Variants in TTC21A observed in about 807,000 individuals in gnomAD.
The protein encoded by TTC21A is tetratricopeptide repeat protein 21A.
TTC21A carries 128 observed loss-of-function variants against 156.4 expected under a neutral mutation model. The observed-to-expected ratio is 0.82, with a 90% CI of 0.71 to 0.95. The LOEUF (loss-of-function observed/expected upper bound fraction) is 0.95. TTC21A is among the 40% of genes least tolerant of loss of function. The probability of loss-of-function intolerance (pLI) is 0.00; values close to 1 mark genes in which losing one functional copy is unlikely to be tolerated. For synonymous variants in TTC21A, 587 were observed against 617.1 expected (o/e 0.95, Z 0.72); for missense variants, 1,435 against 1,602.3 (o/e 0.90, Z 1.78).
At chr3:39,114,418 T>C (rs925947181) in intron 5 of TTC21A, among the ~76,000 whole-genome samples, 167 bp from the exon 6 acceptor site, 15 of 152,298 alleles carry the variant, frequency 9.8e-5, no homozygotes, top group Middle Eastern at 3.4e-3. Context: ...ATGTCACTCC[T>C]TCTCCCGGGA....
In TTC21A at chr3:39,111,284, C is replaced by G. The variant is rs184129800; in HGVS notation, c.435+267C>G. Among the ~76,000 whole-genome samples, 5 of 152,194 alleles carry G rather than the reference C, an allele frequency of 3.3e-5. No individual in the cohort carries two copies. In the East Asian group the frequency reaches 9.6e-4, roughly 29 times the overall value. ...TTCTTAAGAAATTTTTTTTTGAGAC[C>G]TCACTGCAGCCTCAACCTCCTAGGC... On this transcript the variant is annotated intron_variant, in intron 4 of 28. Coordinates refer to ENST00000683103, the MANE Select transcript of TTC21A (RefSeq NM_001366900.1).
intron 19 of TTC21A, 99 bp from the exon 20 acceptor site, chr3:39,132,952 AT>A (rs1171372870): frequency 2.1e-6 from 3 of 1,424,658 alleles, no homozygotes; most frequent in Non-Finnish European, 1.9e-6. Flanking sequence ...CTTATGTGTC[AT>A]TTTTCATACT....
Position 39,121,017 on chromosome 3 carries a change from T to A in TTC21A, c.921T>A (p.Ile307=), listed in dbSNP as rs1157382038. 6.2e-7 allele frequency: 1 copy of A among 1,610,228 alleles called. No homozygotes were observed. Among genetic ancestry groups the A allele is most frequent in the Admixed American group, 1.7e-5 (1 of 59,630 alleles). The change falls in exon 9 of 29, where the codon ATT becomes ATA. Residue 307 remains isoleucine (I), a synonymous_variant. Coordinates refer to ENST00000683103, the MANE Select transcript of TTC21A (RefSeq NM_001366900.1). ...TGCAGTGTGGGAGTCACCAGGTGAT[T>A]CTAGGGCTAGTGTGTAGTTTCATCG... The part of the protein sequence containing the change: ...VSRLCGSHQV[I]LGLVCSFIER...
At chr3:39,119,630 TCA>T in intron 7 of TTC21A, 1 of 117,756 alleles carries the variant, frequency 8.5e-6, no homozygotes, top group Non-Finnish European at 1.3e-5. Context: ...TAAGGAGCAG[TCA>T]AAAAAAAAAA....
intron 8 of TTC21A, 151 bp downstream of exon 8, chr3:39,120,171 C>A: frequency 5.0e-6 from 3 of 600,678 alleles, no homozygotes; most frequent in Non-Finnish European, 8.9e-6. Context: ...TCCTGCTGTG[C>A]CTACTTGCCT....
At chr3:39,135,006 C>A in intron 21 of TTC21A, 87 bp from the exon 22 acceptor site, 3 of 1,149,826 alleles carry the variant, frequency 2.6e-6, no homozygotes, top group Non-Finnish European at 4.0e-6. Context: ...CTTCTTACCA[C>A]CATCACCCCC....
intron 3 of TTC21A, 163 bp downstream of exon 3, chr3:39,110,302 G>A: frequency 2.9e-6 from 2 of 683,092 alleles, no homozygotes; most frequent in East Asian, 5.4e-5. Context: ...TCTCCCCCTG[G>A]AGGCCTGGGA....
intron 20 of TTC21A, 151 bp downstream of exon 20, chr3:39,133,391 C>T: frequency 1.3e-6 from 1 of 783,800 alleles, no homozygotes; most frequent in Non-Finnish European, 2.0e-6. Context: ...TAGCAGTGGC[C>T]TCTGGGGTAA....
chr3:39,126,316 T>C lies in TTC21A; in HGVS notation c.1448T>C (p.Leu483Ser), dbSNP rs2048506191. The change falls in exon 12 of 29, where the codon TTG (leucine) becomes TCG (serine). Residue 483 changes from leucine (L) to serine (S), a missense_variant. Leu to Ser is a moderately radical substitution (Grantham distance 145). Transcript: ENST00000683103. ...CTTCTTAAACAAGTCGCCGTGATCT[T>C]GAATCCTGTAGTCAAAGCAGCACCA... The part of the protein sequence containing the change: ...SPLLKQVAVI[L>S]NPVVKAAPAL... 6.2e-7 allele frequency: 1 copy of C among 1,613,982 alleles called. No homozygotes were observed. Among genetic ancestry groups the C allele is most frequent in the Non-Finnish European group, 8.5e-7 (1 of 1,180,016 alleles).
chr3:39,114,750 A>C lies in TTC21A; in HGVS notation c.716+8A>C, dbSNP rs759634293. 9 of 1,614,204 alleles carry C rather than the reference A, an allele frequency of 5.6e-6. No homozygotes were observed. The Admixed American group carries it at 1.5e-4, about 27-fold the overall frequency. On this transcript the variant is annotated splice_region_variant and intron_variant, in intron 6 of 28. Coordinates refer to ENST00000683103, the MANE Select transcript of TTC21A (RefSeq NM_001366900.1). ...AGTAGAAATGGGACACAGGTGAGCT[A>C]CTGCACAAATGGGCAGCCAAGGGTG...
intron 15 of TTC21A, 69 bp downstream of exon 15, chr3:39,129,379 TGG>T (rs1559703847): frequency 8.3e-7 from 1 of 1,209,866 alleles, no homozygotes; most frequent in Non-Finnish European, 1.2e-6. Flanking sequence ...TTCCTTCAGA[TGG>T]TATTTCTTCA....
chr3:39,116,426 A>G (rs975849177), intron 6 of TTC21A, among the ~76,000 whole-genome samples: 19 of 151,798 alleles, frequency 1.3e-4, no homozygotes, highest in African/African-American at 4.6e-4. Context: ...GAAATTTTGT[A>G]TTATAAATTC....
Position 39,118,161 on chromosome 3 carries a change from C to A in TTC21A, c.801+8C>A. 2 of 1,613,776 alleles carry A rather than the reference C, an allele frequency of 1.2e-6. No homozygotes were observed. Among genetic ancestry groups the A allele is most frequent in the Non-Finnish European group, 1.7e-6 (2 of 1,179,710 alleles). ...GAAGGAAACATGACCACAGTAAGTT[C>A]TTTGAAGACTCAGAAGGTGATCCTT... On this transcript the variant is annotated splice_region_variant and intron_variant, in intron 7 of 28. Transcript: ENST00000683103.
chr3:39,119,600 T>A (rs1430301066), intron 7 of TTC21A: 3 of 158,694 alleles, frequency 1.9e-5, no homozygotes, highest in African/African-American at 8.7e-5. Flanking sequence ...AGGGCTACTC[T>A]ATGGGTTAGC....
intron 7 of TTC21A, chr3:39,119,291 T>C (rs911657072): frequency 1.3e-5 from 2 of 152,170 alleles, no homozygotes; most frequent in African/African-American, 2.4e-5. Context: ...TACTCCTGGG[T>C]GGGGAGTGGG....
intron 15 of TTC21A, 143 bp downstream of exon 15, chr3:39,129,453 G>C: frequency 1.4e-6 from 1 of 726,752 alleles, no homozygotes; most frequent in South Asian, 1.7e-5. Context: ...TTGTCCATGG[G>C]TTACAATTTG....
chr3:39,138,390 A>G lies in TTC21A; in HGVS notation c.3796+3A>G, dbSNP rs1345302241. 2 of 1,614,006 alleles carry G rather than the reference A, an allele frequency of 1.2e-6. No homozygotes were observed. The highest frequency in any genetic ancestry group is 1.7e-6 in the Non-Finnish European group (2 of 1,179,920). Reference sequence around the variant, plus strand: ...TCATCACGCCAACCCTGCCATTGGTAAGGCAACCAGCCAGGGTGCACGTGA... The same window carrying G: ...TCATCACGCCAACCCTGCCATTGGTGAGGCAACCAGCCAGGGTGCACGTGA... On this transcript the variant is annotated splice_donor_region_variant and intron_variant, in intron 27 of 28. Coordinates refer to ENST00000683103, the MANE Select transcript of TTC21A (RefSeq NM_001366900.1).
rs1413369421 is a variant in TTC21A, at chr3:39,112,450, C to T, written c.436-8C>T. 1 of 1,613,938 alleles carries T rather than the reference C, an allele frequency of 6.2e-7. No individual in the cohort carries two copies. Among genetic ancestry groups the T allele is most frequent in the African/African-American group, 1.3e-5 (1 of 74,922 alleles). ...AGGACTTCATCTTTCATCTTGTTCTCATCCCAGGCCTATGTGCTCAGAGGC... is the reference window on the plus strand; with the variant it reads ...AGGACTTCATCTTTCATCTTGTTCTTATCCCAGGCCTATGTGCTCAGAGGC... On this transcript the variant is annotated splice_polypyrimidine_tract_variant and splice_region_variant and intron_variant, in intron 4 of 28. Transcript: ENST00000683103.
Position 39,136,455 on chromosome 3 carries a change from A to C in TTC21A, c.3043A>C (p.Ser1015Arg). ...AFFELAKKVSSRVPLEPGFNY... is the reference protein window; with the variant it reads ...AFFELAKKVSRRVPLEPGFNY... ...CTTTGAATTGGCCAAGAAGGTGTCT[A>C]GCCGGGTGCCTTTGGAACCAGGGTT... The change falls in exon 23 of 29, where the codon AGC (serine) becomes CGC (arginine). Residue 1015 changes from serine (S) to arginine (R), a missense_variant. By Grantham distance (110) the Ser-to-Arg change is moderately radical (BLOSUM62 -1). Transcript: ENST00000683103. The C allele has an allele frequency of 6.2e-7, 1 of 1,614,262 alleles. No individual in the cohort carries two copies. The highest frequency in any genetic ancestry group is 1.3e-5 in the African/African-American group (1 of 75,072).
Sources: gnomAD v4.1 joint callset for allele counts (sites outside exome capture counted in the v4.1 genomes callset) on GRCh38, gnomAD v4.1.1 for gene constraint, MANE v1.5 for transcripts, NCBI Gene and HGNC (gene_info 2026-07-23, HGNC 2026-07-21) for gene names.